CDH12: variants seen among roughly 807,000 people sequenced by gnomAD.
CDH12 encodes cadherin-12.
A neutral mutation model predicts 74.1 loss-of-function variants in CDH12; 41 were observed. The observed-to-expected ratio is 0.55, with a 90% confidence interval of 0.43 to 0.72. The LOEUF (loss-of-function observed/expected upper bound fraction) is 0.72, where lower values mean the gene tolerates loss of function less well. Among genes scored for constraint, CDH12 ranks in the 30% least tolerant of loss-of-function variants. The probability of loss-of-function intolerance (pLI) is 0.00; values close to 1 mark genes in which losing one functional copy is unlikely to be tolerated. For missense variants in CDH12, 945 were observed against 977.2 expected (o/e 0.97, Z 0.44); for synonymous variants, 399 against 355.0 (o/e 1.12, Z -1.39).
chr5:22,061,857 T>C (rs533063625), intron 5 of CDH12, among the ~76,000 whole-genome samples: 8 of 152,304 alleles, frequency 5.3e-5, no homozygotes, highest in South Asian at 2.1e-4. Flanking sequence ...CTTAGTCATA[T>C]GGATTGACAT....
intron 10 of CDH12, among the ~76,000 whole-genome samples, chr5:21,787,134 G>A (rs975712781): frequency 1.3e-5 from 2 of 152,130 alleles, no homozygotes; most frequent in Admixed American, 6.6e-5. Flanking sequence ...AATAAACAGT[G>A]GCAGGTTTTA....
intron 6 of CDH12, among the ~76,000 whole-genome samples, chr5:21,945,708 C>T (rs1299009507): frequency 2.6e-5 from 4 of 151,320 alleles, no homozygotes; most frequent in Non-Finnish European, 5.9e-5. Context: ...AATCTGAAAA[C>T]ATGCCAACAG....
intron 1 of CDH12, among the ~76,000 whole-genome samples, chr5:22,663,345 C>G (rs1580864155): frequency 6.6e-6 from 1 of 152,088 alleles, no homozygotes. Context: ...TTCCATTTTA[C>G]AAATGAAGCA....
At chr5:22,228,967 G>A (rs1391074311) in intron 3 of CDH12, among the ~76,000 whole-genome samples, 5 of 152,024 alleles carry the variant, frequency 3.3e-5, no homozygotes, top group Admixed American at 6.6e-5. Context: ...CTCGGAAGGT[G>A]TTGTTAATAA....
chr5:22,637,892 G>A lies in CDH12; in HGVS notation c.-522-132528C>T, dbSNP rs150175666. On this transcript the variant is annotated intron_variant, in intron 1 of 14. Coordinates refer to ENST00000382254, the MANE Select transcript of CDH12 (RefSeq NM_004061.5). ...ACTTCTTCAGCTTCAAATTGTTACT[G>A]CTATTGTTGCTGTTTCTTTTTCTTG... Among the ~76,000 whole-genome samples, 696 of 152,290 alleles carry A rather than the reference G, an allele frequency of 4.6e-3. 4 individuals carry two copies. The highest frequency in any genetic ancestry group is 0.016 in the African/African-American group (658 of 41,566).
Position 22,502,171 on chromosome 5 carries a change from G to A in CDH12, c.-428+3099C>T, listed in dbSNP as rs991772625. ...GTTGTAGTTCCTATAACTCCCACAT[G>A]TTGTAGGAGGCACCCAGTGGGAGGT... On this transcript the variant is annotated intron_variant, in intron 2 of 14. Coordinates refer to ENST00000382254, the MANE Select transcript of CDH12 (RefSeq NM_004061.5). 2.0e-5 allele frequency among the ~76,000 whole-genome samples: 3 copies of A among 152,110 alleles called. No individual in the cohort carries two copies. The South Asian group carries it at 6.2e-4, about 31-fold the overall frequency.
At chr5:22,466,761 T>C (rs1745744000) in intron 2 of CDH12, among the ~76,000 whole-genome samples, 1 of 144,102 alleles carries the variant, frequency 6.9e-6, no homozygotes, top group African/African-American at 2.6e-5. Context: ...AAATGAGGCA[T>C]GGCTCCTCAG....
chr5:22,750,991 GAAGT>G (rs1380774640), intron 1 of CDH12, among the ~76,000 whole-genome samples: 1 of 151,440 alleles, frequency 6.6e-6, no homozygotes, highest in Admixed American at 6.6e-5. Flanking sequence ...CCTGGAATAA[GAAGT>G]AAGAATTTAA....
chr5:22,023,646 A>T (rs1738151346), intron 5 of CDH12, among the ~76,000 whole-genome samples: 1 of 152,096 alleles, frequency 6.6e-6, no homozygotes, highest in Admixed American at 6.6e-5. Flanking sequence ...CACTTATTAC[A>T]CAAGAAGCAG....
chr5:22,325,832 C>T (rs1423493585), intron 3 of CDH12, among the ~76,000 whole-genome samples: 1 of 151,978 alleles, frequency 6.6e-6, no homozygotes, highest in Non-Finnish European at 1.5e-5. Context: ...GGTGTGAACC[C>T]GGGAGGCGGA....
chr5:21,898,115 C>T (rs538202147), intron 6 of CDH12, among the ~76,000 whole-genome samples: 1 of 152,172 alleles, frequency 6.6e-6, no homozygotes, highest in Admixed American at 6.5e-5. Flanking sequence ...CTGAAATCAC[C>T]AGAATAAATA....
chr5:21,937,538 A>G (rs1440340236), intron 6 of CDH12, among the ~76,000 whole-genome samples: 1 of 152,226 alleles, frequency 6.6e-6, no homozygotes, highest in Non-Finnish European at 1.5e-5. Context: ...AAGCCAACAA[A>G]GCATAAAACA....
chr5:22,460,191 G>T (rs549733236), intron 2 of CDH12, among the ~76,000 whole-genome samples: 1 of 152,056 alleles, frequency 6.6e-6, no homozygotes, highest in East Asian at 1.9e-4. Context: ...TTCTTTCTGG[G>T]TTTTGTTTTA....
chr5:22,610,066 T>C (rs919348087), intron 1 of CDH12, among the ~76,000 whole-genome samples: 7 of 152,260 alleles, frequency 4.6e-5, no homozygotes, highest in Admixed American at 1.3e-4. Flanking sequence ...ACTCCCTATA[T>C]AGTTGTTCAT....
intron 3 of CDH12, among the ~76,000 whole-genome samples, chr5:22,302,368 G>A (rs1346478039): frequency 3.9e-5 from 6 of 152,134 alleles, no homozygotes; most frequent in Admixed American, 2.6e-4. Context: ...ATATATAAGT[G>A]TGATAAAATT....
chr5:22,700,833 T>C lies in CDH12; in HGVS notation c.-523+152225A>G, dbSNP rs146421059. On this transcript the variant is annotated intron_variant, in intron 1 of 14. Transcript: ENST00000382254. Reference sequence around the variant, plus strand: ...ATGAGATATAAAGTAGTCCTTAACTTTGAGCCAATTTAAAGTGGTGTTTAT... The same window carrying C: ...ATGAGATATAAAGTAGTCCTTAACTCTGAGCCAATTTAAAGTGGTGTTTAT... Among the ~76,000 whole-genome samples, 336 of 152,346 alleles carry C rather than the reference T, an allele frequency of 2.2e-3. 1 individual carries two copies. The highest frequency in any genetic ancestry group is 7.4e-3 in the African/African-American group (309 of 41,584).
chr5:22,326,793 T>C (rs1580526665), intron 3 of CDH12, among the ~76,000 whole-genome samples: 2 of 152,196 alleles, frequency 1.3e-5, no homozygotes, highest in South Asian at 4.1e-4. Context: ...ATAATGATCA[T>C]ATGAATGTGG....
intron 1 of CDH12, among the ~76,000 whole-genome samples, chr5:22,729,545 G>A (rs1744327328): frequency 6.6e-6 from 1 of 151,824 alleles, no homozygotes; most frequent in Admixed American, 6.6e-5. Context: ...CAGGAATTAA[G>A]GCATAGAATC....
intron 7 of CDH12, among the ~76,000 whole-genome samples, chr5:21,853,138 A>G (rs1043509035): frequency 1.3e-5 from 2 of 151,302 alleles, no homozygotes; most frequent in Admixed American, 1.3e-4. Context: ...TTTCACAGCT[A>G]AAAAAAATCA....
Sources: allele counts gnomAD v4.1 joint callset (sites outside exome capture counted in the v4.1 genomes callset), GRCh38; gene constraint gnomAD v4.1.1; transcripts MANE v1.5; gene names NCBI Gene and HGNC (gene_info 2026-07-23, HGNC 2026-07-21).